DOCK4: variants seen among roughly 807,000 people sequenced by gnomAD.
DOCK4 encodes dedicator of cytokinesis 4, also known as dedicator of cytokinesis protein 4.
In DOCK4, 97 loss-of-function variants were observed where a neutral mutation model predicts 268.1. The ratio of observed to expected loss-of-function variants is 0.36; its 90% CI spans 0.31 to 0.43. The LOEUF is 0.43. DOCK4 is among the 20% of genes least tolerant of loss of function. The pLI, the probability that DOCK4 is intolerant of heterozygous loss-of-function variation, is 1.00. For synonymous variants in DOCK4, 954 were observed against 887.2 expected (o/e 1.08, Z -1.34); for missense variants, 2,145 against 2,455.7 (o/e 0.87, Z 2.67).
At position 112,010,917 on chromosome 7, in the gene DOCK4, G is replaced by A. The variant is rs142603186; in HGVS notation, c.38-6786C>T. 2.2e-3 allele frequency among the ~76,000 whole-genome samples: 335 copies of A among 152,312 alleles called. 1 individual carries two copies. Among genetic ancestry groups the A allele is most frequent in the Middle Eastern group, 0.014 (4 of 294 alleles). ...GGGATTGCAGAATGTCATCCTCCTT[G>A]AACCACAAGGCCAAGGCAAAGCATG... On this transcript the variant is annotated intron_variant, in intron 1 of 52. Transcript: ENST00000428084.
At chr7:112,103,988 C>T (rs1810918698) in intron 1 of DOCK4, among the ~76,000 whole-genome samples, 1 of 152,142 alleles carries the variant, frequency 6.6e-6, no homozygotes, top group African/African-American at 2.4e-5. Context: ...CCTGCATATC[C>T]TTTCAGGAAC....
At chr7:112,066,715 A>ATGTG (rs1178345742) in intron 1 of DOCK4, among the ~76,000 whole-genome samples, 11 of 87,024 alleles carry the variant, frequency 1.3e-4, no homozygotes, top group East Asian at 9.2e-4. Context: ...ATATATATAT[A>ATGTG]TATATATATA....
chr7:112,046,631 C>T (rs1467367852), intron 1 of DOCK4, among the ~76,000 whole-genome samples: 1 of 152,108 alleles, frequency 6.6e-6, no homozygotes, highest in Non-Finnish European at 1.5e-5. Context: ...TGCACTCCAG[C>T]CTGGGTGACA....
At chr7:112,081,360 AC>A (rs1457446641) in intron 1 of DOCK4, among the ~76,000 whole-genome samples, 1 of 152,068 alleles carries the variant, frequency 6.6e-6, no homozygotes, top group Non-Finnish European at 1.5e-5. Context: ...AACACCACCA[AC>A]TTTTTAGGAG....
chr7:111,769,673 A>C lies in DOCK4; in HGVS notation c.3684T>G (p.Ala1228=). The C allele has an allele frequency of 1.9e-6, 3 of 1,613,002 alleles. No individual in the cohort carries two copies. The highest frequency in any genetic ancestry group is 1.7e-6 in the Non-Finnish European group (2 of 1,179,316). ...CGTCATATAAGAGGAGGGTATATGCAGCTTCTGCAAGTCACGTGAGAAGAC... is the reference window on the plus strand; with the variant it reads ...CGTCATATAAGAGGAGGGTATATGCCGCTTCTGCAAGTCACGTGAGAAGAC... ...LHLKAQNFTE[A]AYTLLLYDEL... The change falls in exon 37 of 53, where the codon GCT becomes GCG. Residue 1228 remains alanine (A), a synonymous_variant. Transcript: ENST00000428084.
At chr7:111,784,453 C>G in intron 32 of DOCK4, 1 of 553,724 alleles carries the variant, frequency 1.8e-6, no homozygotes, top group Non-Finnish European at 3.4e-6. Context: ...AATCCTTGTA[C>G]AGCTGGTATG....
intron 5 of DOCK4, among the ~76,000 whole-genome samples, chr7:111,989,584 T>C (rs1276866777): frequency 6.6e-6 from 1 of 152,222 alleles, no homozygotes; most frequent in Non-Finnish European, 1.5e-5. Flanking sequence ...TGGAAGACAT[T>C]GCTTTCCAAT....
At chr7:112,077,844 T>A in intron 1 of DOCK4, among the ~76,000 whole-genome samples, 1 of 152,188 alleles carries the variant, frequency 6.6e-6, no homozygotes, top group South Asian at 2.1e-4. Context: ...ATCAGTAAAC[T>A]TATCAGTTAA....
intron 12 of DOCK4, among the ~76,000 whole-genome samples, chr7:111,930,030 C>T (rs1045141982): frequency 6.6e-6 from 1 of 152,172 alleles, no homozygotes; most frequent in Non-Finnish European, 1.5e-5. Context: ...CAACTGCTGT[C>T]TATCAGAGGT....
intron 13 of DOCK4, among the ~76,000 whole-genome samples, chr7:111,913,705 G>C (rs112177375): frequency 1.3e-5 from 2 of 149,962 alleles, no homozygotes; most frequent in African/African-American, 2.5e-5. Flanking sequence ...CACCGCGCCC[G>C]GCCACAATTT....
chr7:111,843,716 T>C (rs1308784389), intron 25 of DOCK4, among the ~76,000 whole-genome samples: 1 of 152,206 alleles, frequency 6.6e-6, no homozygotes, highest in East Asian at 1.9e-4. Flanking sequence ...AGATGTATTA[T>C]TTCTTAATAT....
Position 111,728,293 on chromosome 7 carries a change from CGGGGCA to C in DOCK4, c.5903_5908del (p.Leu1968_Pro1969del). On this transcript the variant is annotated inframe_deletion, in exon 53 of 53. Coordinates refer to ENST00000428084, the MANE Select transcript of DOCK4 (RefSeq NM_001363540.2). ...AGTGACTTATAACTGAGAGACCTTG[CGGGGCA>C]GGGGCCTGGGCCGCGGGCCGGGGTC... The C allele has an allele frequency of 6.7e-7, 1 of 1,497,650 alleles. No individual in the cohort carries two copies. Among genetic ancestry groups the C allele is most frequent in the East Asian group, 2.3e-5 (1 of 43,038 alleles). 92.8% of individuals were successfully genotyped at this position (1,497,650 alleles called of 1,614,324 possible).
chr7:112,048,003 T>C (rs1029451809), intron 1 of DOCK4, among the ~76,000 whole-genome samples: 7 of 152,130 alleles, frequency 4.6e-5, no homozygotes, highest in Non-Finnish European at 1.5e-5. Context: ...GAAAAAAATT[T>C]TAAACACAAC....
intron 1 of DOCK4, among the ~76,000 whole-genome samples, chr7:112,007,385 C>T (rs1486092973): frequency 2.4e-4 from 36 of 152,098 alleles, no homozygotes; most frequent in Admixed American, 2.3e-3. Context: ...TTAATGGATT[C>T]GGACAACCTC....
chr7:112,136,639 A>G (rs1814378317), intron 1 of DOCK4, among the ~76,000 whole-genome samples: 1 of 152,224 alleles, frequency 6.6e-6, no homozygotes, highest in Non-Finnish European at 1.5e-5. Context: ...AACTACTATC[A>G]GGCTGGCATA....
chr7:112,115,853 T>C (rs184855477), intron 1 of DOCK4, among the ~76,000 whole-genome samples: 81 of 152,328 alleles, frequency 5.3e-4, no homozygotes, highest in Admixed American at 5.0e-3. Flanking sequence ...GATTATTTTT[T>C]ACTTTTTGTA....
At chr7:112,073,607 C>T (rs1182607174) in intron 1 of DOCK4, among the ~76,000 whole-genome samples, 2 of 152,038 alleles carry the variant, frequency 1.3e-5, no homozygotes, top group Non-Finnish European at 2.9e-5. Context: ...TTCACAGCAA[C>T]ATGGATAAGC....
Position 112,181,971 on chromosome 7 carries a change from C to T in DOCK4, c.37+24131G>A, listed in dbSNP as rs1256007361. 5.3e-5 allele frequency among the ~76,000 whole-genome samples: 8 copies of T among 152,188 alleles called. No homozygotes were observed. In the East Asian group the frequency reaches 1.3e-3, roughly 26 times the overall value. On this transcript the variant is annotated intron_variant, in intron 1 of 52. Coordinates refer to ENST00000428084, the MANE Select transcript of DOCK4 (RefSeq NM_001363540.2). Reference sequence around the variant, plus strand: ...ACAGGGCCAGGAACCTCAACAATCACCATATCACTAATCTTTTTTACCTTT... The same window carrying T: ...ACAGGGCCAGGAACCTCAACAATCATCATATCACTAATCTTTTTTACCTTT...
intron 14 of DOCK4, 136 bp downstream of exon 14, chr7:111,901,541 G>T: frequency 1.1e-6 from 1 of 874,894 alleles, no homozygotes; most frequent in Non-Finnish European, 1.6e-6. Context: ...AGGGGTGAAG[G>T]AGAAAAATAA....
Sources: allele counts gnomAD v4.1 joint callset (sites outside exome capture counted in the v4.1 genomes callset), GRCh38; gene constraint gnomAD v4.1.1; transcripts MANE v1.5; gene names NCBI Gene and HGNC (gene_info 2026-07-23, HGNC 2026-07-21).